Variants in SNX6 observed in about 807,000 individuals in gnomAD.
SNX6 encodes the protein sorting nexin 6.
Under a neutral mutation model 63.0 loss-of-function variants are expected in SNX6, and 34 were observed. That is an observed-to-expected ratio of 0.54 (90% confidence interval 0.41 to 0.72). The LOEUF is 0.72. Among genes scored for constraint, SNX6 ranks in the 30% least tolerant of loss-of-function variants. The pLI, the probability that SNX6 is intolerant of heterozygous loss-of-function variation, is 0.00. For synonymous variants in SNX6, 170 were observed against 164.2 expected (o/e 1.04, Z -0.27); for missense variants, 398 against 471.4 (o/e 0.84, Z 1.44).
At chr14:34,614,242 C>G (rs940372728) in intron 2 of SNX6, among the ~76,000 whole-genome samples, 1 of 151,944 alleles carries the variant, frequency 6.6e-6, no homozygotes, top group Admixed American at 6.6e-5. Flanking sequence ...ATCTAGGCAA[C>G]ATGGCAAAAC....
At chr14:34,624,750 C>A (rs6650498) in intron 2 of SNX6, among the ~76,000 whole-genome samples, 95,605 of 151,350 alleles carry the variant, frequency 0.63, 30,616 homozygotes, top group East Asian at 0.91. Flanking sequence ...GAGTCAAGGT[C>A]GCACCACTGC....
At chr14:34,597,809 A>AC (rs1882661677) in intron 6 of SNX6, among the ~76,000 whole-genome samples, 164 bp from the exon 7 acceptor site, 1 of 152,162 alleles carries the variant, frequency 6.6e-6, no homozygotes, top group Non-Finnish European at 1.5e-5. Flanking sequence ...TTAGGGCATA[A>AC]AAAAGGAGTT....
intron 11 of SNX6, among the ~76,000 whole-genome samples, chr14:34,574,122 G>A (rs1881579459): frequency 6.6e-6 from 1 of 151,424 alleles, no homozygotes. Flanking sequence ...GGGATCACGG[G>A]GTCAGGAGTT....
intron 2 of SNX6, among the ~76,000 whole-genome samples, chr14:34,624,305 G>A (rs1883740744): frequency 6.6e-6 from 1 of 151,864 alleles, no homozygotes; most frequent in Non-Finnish European, 1.5e-5. Flanking sequence ...TTCACCATGT[G>A]GGCCAGGCAG....
At chr14:34,568,578 C>T (rs1881295746) in intron 11 of SNX6, 2 of 587,286 alleles carry the variant, frequency 3.4e-6, no homozygotes, top group South Asian at 1.7e-5. Context: ...TCAAAGTGAT[C>T]CCCCTATTTC....
chr14:34,580,533 T>G (rs552948378), intron 10 of SNX6, among the ~76,000 whole-genome samples: 37 of 152,202 alleles, frequency 2.4e-4, no homozygotes, highest in Non-Finnish European at 4.9e-4. Flanking sequence ...ACTCCTGGCC[T>G]CTACTGATCC....
At chr14:34,614,080 C>T (rs1883332405) in intron 2 of SNX6, among the ~76,000 whole-genome samples, 1 of 151,874 alleles carries the variant, frequency 6.6e-6, no homozygotes, top group African/African-American at 2.4e-5. Flanking sequence ...GCACTCCAGC[C>T]TGGAAGACAG....
In SNX6 at chr14:34,562,733, T is replaced by TTA. The variant is rs1373090917; in HGVS notation, c.*387_*388dup. 4.1e-5 allele frequency: 7 copies of TTA among 171,378 alleles called. No individual in the cohort carries two copies. Among genetic ancestry groups the TTA allele is most frequent in the African/African-American group, 1.7e-4 (7 of 42,338 alleles). 10.6% of individuals were successfully genotyped at this position (171,378 alleles called of 1,614,324 possible). ...TTAAAAAATTCAAAAAAGGCAATCT[T>TTA]TATCTTGTTTCAACAATGCATTCTG... is the stretch of plus-strand genomic sequence containing the variant. On this transcript the variant is annotated 3_prime_UTR_variant, in exon 14 of 14. Transcript: ENST00000362031.
chr14:34,601,249 G>T lies in SNX6; in HGVS notation c.516+2099C>A, dbSNP rs1240166074. ...TTTTTTTTTTTTTTTTTTTTGAGAC[G>T]GAGTCTCGCTTTGTCACCCAGGCTG... is the stretch of plus-strand genomic sequence containing the variant. On this transcript the variant is annotated intron_variant, in intron 6 of 13. Transcript: ENST00000362031. 2.1e-5 allele frequency among the ~76,000 whole-genome samples: 3 copies of T among 140,858 alleles called. No homozygotes were observed. In the South Asian group the frequency reaches 6.5e-4, roughly 30 times the overall value. 92.4% of individuals were successfully genotyped at this position (140,858 alleles called of 152,430 possible).
At chr14:34,566,923 T>C (rs1881207094) in intron 13 of SNX6, among the ~76,000 whole-genome samples, 1 of 151,702 alleles carries the variant, frequency 6.6e-6, no homozygotes, top group East Asian at 1.9e-4. Flanking sequence ...ATTAAATAAA[T>C]ACATTTTCAA....
intron 9 of SNX6, among the ~76,000 whole-genome samples, chr14:34,582,675 A>G (rs1881990733): frequency 6.6e-6 from 1 of 152,062 alleles, no homozygotes; most frequent in Non-Finnish European, 1.5e-5. Context: ...CCTCCTAAGT[A>G]GCTGGCATTA....
intron 3 of SNX6, among the ~76,000 whole-genome samples, 197 bp downstream of exon 3, chr14:34,609,441 A>G (rs1883139071): frequency 1.4e-5 from 2 of 138,292 alleles, no homozygotes; most frequent in Admixed American, 1.8e-4. Flanking sequence ...AGATCGTGCC[A>G]CTGCACTCCA....
At chr14:34,598,870 G>A (rs1047201916) in intron 6 of SNX6, among the ~76,000 whole-genome samples, 1 of 152,120 alleles carries the variant, frequency 6.6e-6, no homozygotes, top group Non-Finnish European at 1.5e-5. Context: ...ATTTCAGCCT[G>A]GGCAATACAG....
At chr14:34,579,362 A>G (rs976948472) in intron 10 of SNX6, among the ~76,000 whole-genome samples, 1 of 152,168 alleles carries the variant, frequency 6.6e-6, no homozygotes, top group Non-Finnish European at 1.5e-5. Context: ...TCATGCCTGT[A>G]ATCCCAATGC....
chr14:34,611,886 C>T (rs1410912029), intron 2 of SNX6, among the ~76,000 whole-genome samples: 3 of 151,868 alleles, frequency 2.0e-5, no homozygotes, highest in Non-Finnish European at 4.4e-5. Flanking sequence ...TCACGCCATT[C>T]TCCTGCCTCA....
At chr14:34,565,578 G>A (rs1336304193) in intron 13 of SNX6, among the ~76,000 whole-genome samples, 1 of 151,764 alleles carries the variant, frequency 6.6e-6, no homozygotes, top group South Asian at 2.1e-4. Flanking sequence ...GTGCAGTGGC[G>A]CAATCTTGGC....
chr14:34,580,860 T>C (rs1402402369), intron 10 of SNX6, among the ~76,000 whole-genome samples: 1 of 151,850 alleles, frequency 6.6e-6, no homozygotes, highest in Admixed American at 6.6e-5. Flanking sequence ...TTGCTATGTT[T>C]TCCCAGGCTG....
At chr14:34,578,123 G>A (rs1881784355) in intron 10 of SNX6, among the ~76,000 whole-genome samples, 1 of 152,090 alleles carries the variant, frequency 6.6e-6, no homozygotes, top group African/African-American at 2.4e-5. Flanking sequence ...AGACTCACTT[G>A]AGCCCAGGAG....
chr14:34,598,145 T>C (rs1162049829), intron 6 of SNX6, among the ~76,000 whole-genome samples: 7 of 152,126 alleles, frequency 4.6e-5, no homozygotes, highest in Admixed American at 1.3e-4. Flanking sequence ...CAGCAATTAA[T>C]AGCACAAGGG....
Sources: allele counts gnomAD v4.1 joint callset (sites outside exome capture counted in the v4.1 genomes callset), GRCh38; gene constraint gnomAD v4.1.1; transcripts MANE v1.5; gene names NCBI Gene and HGNC (gene_info 2026-07-23, HGNC 2026-07-21).